The following PROSER2 variants were observed in gnomAD, a reference collection of about 807,000 sequenced individuals.
The protein encoded by PROSER2 is proline and serine rich 2.
In PROSER2, 18 loss-of-function variants were observed where a neutral mutation model predicts 14.6. The ratio of observed to expected loss-of-function variants is 1.23; its 90% confidence interval spans 0.85 to 1.83. The LOEUF is 1.83. Among genes scored for constraint, PROSER2 ranks in the 40% most tolerant of loss-of-function variants. The pLI is 0.00. For synonymous variants in PROSER2, 367 were observed against 286.4 expected, an observed-to-expected ratio of 1.28 and a Z score of -2.84; for missense variants, 823 against 629.8, an observed-to-expected ratio of 1.31 and a Z score of -3.28.
chr10:11,852,128 G>T lies in PROSER2; in HGVS notation c.51G>T (p.Thr17=), dbSNP rs763922806. 7 of 1,613,562 alleles carry T rather than the reference G, an allele frequency of 4.3e-6. No individual in the cohort carries two copies. Among genetic ancestry groups the T allele is most frequent in the Non-Finnish European group, 5.1e-6 (6 of 1,179,858 alleles). The change falls in exon 2 of 4, where the codon ACG becomes ACT. Residue 17 remains threonine, a synonymous_variant. Coordinates refer to ENST00000277570, the MANE Select transcript of PROSER2 (RefSeq NM_153256.4). Reference sequence around the variant, plus strand: ...ACGCATCTGACATGAACTCAGACACGTCCCCCAGCTGCAGGCTCCGAGCCT... The same window carrying T: ...ACGCATCTGACATGAACTCAGACACTTCCCCCAGCTGCAGGCTCCGAGCCT... The part of the protein sequence containing the change: ...KSDASDMNSD[T]SPSCRLRAFS...
In PROSER2 at chr10:11,865,731, C is replaced by A. The variant is rs1014934632; in HGVS notation, c.139-800C>A. 6.6e-6 allele frequency among the ~76,000 whole-genome samples: 1 copy of A among 152,224 alleles called. No individual in the cohort carries two copies. Among genetic ancestry groups the A allele is most frequent in the Non-Finnish European group, 1.5e-5 (1 of 68,042 alleles). ...CCACACTGTTAACACGGCACTCCAC[C>A]GTCAGCTTTGCTCCGTGGCCCCACT... On this transcript the variant is annotated intron_variant, in intron 2 of 3. Transcript: ENST00000277570. This position sits in a 1 kb window ranked among gnomAD's most constrained non-coding sequence, Gnocchi z 4.2.
Position 11,852,233 on chromosome 10 carries a change from TTTCA to T in PROSER2, c.138+20_138+23del. 6.3e-7 allele frequency: 1 copy of T among 1,592,188 alleles called. No homozygotes were observed. The highest frequency in any genetic ancestry group is 8.6e-7 in the Non-Finnish European group (1 of 1,166,746). On this transcript the variant is annotated intron_variant, in intron 2 of 3. Coordinates refer to ENST00000277570, the MANE Select transcript of PROSER2 (RefSeq NM_153256.4). ...TCACTTTGGTGAGTGACAGTTTTTC[TTTCA>T]TGCTTTCCTGTGCCTGGGTCAGTGG... is the stretch of plus-strand genomic sequence containing the variant.
At position 11,823,708 on chromosome 10, in the gene PROSER2, C is replaced by A. The variant is rs931897844; in HGVS notation, c.-82+238C>A. Among the ~76,000 whole-genome samples, 1 of 151,814 alleles carries A rather than the reference C, an allele frequency of 6.6e-6. No individual in the cohort carries two copies. The highest frequency in any genetic ancestry group is 2.4e-5 in the African/African-American group (1 of 41,402). On this transcript the variant is annotated intron_variant, in intron 1 of 3. Coordinates refer to ENST00000277570, the MANE Select transcript of PROSER2 (RefSeq NM_153256.4). The surrounding 1 kb of genome is among the most constrained non-coding windows in gnomAD (Gnocchi z 6.2). ...GCTGCCTCCTCGGGGACCTCGGAGT[C>A]GGGGCGCGGCGGGGAGCGCGCTGGG...
rs928165306 is a variant in PROSER2 at position 11,871,065 on chromosome 10, ACT to A, written c.*662_*663del. ...ATTTTGAGAAAGCAAGTCTCATCAG[ACT>A]CTGAGGTCTGGGACGTGTGCGTGAG... On this transcript the variant is annotated 3_prime_UTR_variant, in exon 4 of 4. Coordinates refer to ENST00000277570, the MANE Select transcript of PROSER2 (RefSeq NM_153256.4). 4.0e-5 allele frequency: 6 copies of A among 151,712 alleles called. No homozygotes were observed. Among genetic ancestry groups the A allele is most frequent in the African/African-American group, 1.5e-4 (6 of 41,250 alleles). 9.4% of individuals were successfully genotyped at this position (151,712 alleles called of 1,614,324 possible). A position where few individuals can be genotyped will look rare whatever the true frequency, so the allele number is the denominator to read the frequency against.
At chr10:11,858,225 T>C (rs1297098605) in intron 2 of PROSER2, among the ~76,000 whole-genome samples, 1 of 152,186 alleles carries the variant, frequency 6.6e-6, no homozygotes, top group African/African-American at 2.4e-5. Flanking sequence ...CCACCACGCC[T>C]GGCCAATTCA....
intron 1 of PROSER2, among the ~76,000 whole-genome samples, chr10:11,839,352 CA>C (rs1833804782): frequency 6.6e-6 from 1 of 152,026 alleles, no homozygotes; most frequent in African/African-American, 2.4e-5. Context: ...AAGCTATAAA[CA>C]AAAAGATTGA....
chr10:11,870,041 C>A lies in PROSER2; in HGVS notation c.943C>A (p.Arg315=). 8.1e-7 allele frequency: 1 copy of A among 1,234,816 alleles called. No individual in the cohort carries two copies. The highest frequency in any genetic ancestry group is 1.0e-6 in the Non-Finnish European group (1 of 989,452). The allele number at this position is 1,234,816 out of a possible 1,614,324, so 76.5% of individuals were successfully genotyped here. A position where few individuals can be genotyped will look rare whatever the true frequency, so the allele number is the denominator to read the frequency against. The change falls in exon 4 of 4, where the codon CGG becomes AGG. Residue 315 remains arginine (R), a synonymous_variant. Coordinates refer to ENST00000277570, the MANE Select transcript of PROSER2 (RefSeq NM_153256.4). ...GAPGGGSSPE[R]VARGRGLPGP... ...CCCAGGGGGCGGCTCCTCCCCGGAGCGGGTGGCGCGTGGCCGGGGCCTGCC... is the reference window on the plus strand; with the variant it reads ...CCCAGGGGGCGGCTCCTCCCCGGAGAGGGTGGCGCGTGGCCGGGGCCTGCC...
Position 11,842,931 on chromosome 10 carries a change from C to CTTTTTTTTTTTTT in PROSER2, c.-81-9051_-81-9039dup, listed in dbSNP as rs558283551. On this transcript the variant is annotated intron_variant, in intron 1 of 3. Transcript: ENST00000277570. ...TTTTCTATACTATTTTGCCATTGTT[C>CTTTTTTTTTTTTT]TTTTTTTTTTTTTTTTTTTTTTTTT... Among the ~76,000 whole-genome samples, 59 of 51,946 alleles carry CTTTTTTTTTTTTT rather than the reference C, an allele frequency of 1.1e-3. 8 individuals are homozygous for CTTTTTTTTTTTTT. Among genetic ancestry groups the CTTTTTTTTTTTTT allele is most frequent in the African/African-American group, 1.7e-3 (25 of 14,740 alleles). 34.1% of individuals were successfully genotyped at this position (51,946 alleles called of 152,430 possible).
Position 11,866,809 on chromosome 10 carries a change from G to A in PROSER2, c.391+26G>A. The A allele has an allele frequency of 1.9e-6, 3 of 1,598,130 alleles. No homozygotes were observed. The highest frequency in any genetic ancestry group is 2.6e-6 in the Non-Finnish European group (3 of 1,174,582). Reference sequence around the variant, plus strand: ...GTGAGGGGGAAGACAGGCCATCCCTGGGATGTGGTTTCCTGGTGTCTGTGA... The same window carrying A: ...GTGAGGGGGAAGACAGGCCATCCCTAGGATGTGGTTTCCTGGTGTCTGTGA... On this transcript the variant is annotated intron_variant, in intron 3 of 3. Coordinates refer to ENST00000277570, the MANE Select transcript of PROSER2 (RefSeq NM_153256.4). This position sits in a 1 kb window ranked among gnomAD's most constrained non-coding sequence, Gnocchi z 6.0.
chr10:11,843,102 G>A (rs1468754868), intron 1 of PROSER2, among the ~76,000 whole-genome samples: 22 of 149,690 alleles, frequency 1.5e-4, no homozygotes, highest in East Asian at 4.0e-4. Flanking sequence ...CACCATGCCC[G>A]GCTAATTTTT....
At chr10:11,859,997 G>A (rs1202156297) in intron 2 of PROSER2, among the ~76,000 whole-genome samples, 1 of 152,170 alleles carries the variant, frequency 6.6e-6, no homozygotes, top group Non-Finnish European at 1.5e-5. Context: ...CCTCTTTTCT[G>A]ACCCTGAGGC....
intron 1 of PROSER2, among the ~76,000 whole-genome samples, chr10:11,833,255 T>A (rs957904228): frequency 2.1e-5 from 3 of 141,394 alleles, no homozygotes; most frequent in African/African-American, 7.7e-5. Context: ...TTTTTTTTTT[T>A]TAGTTCTTTG....
At chr10:11,844,060 C>A (rs763495927) in intron 1 of PROSER2, among the ~76,000 whole-genome samples, 1 of 152,130 alleles carries the variant, frequency 6.6e-6, no homozygotes, top group Non-Finnish European at 1.5e-5. Context: ...GGCATGATCA[C>A]AGCTCACTGC....
Position 11,869,434 on chromosome 10 carries a change from C to A in PROSER2, c.392-56C>A. On this transcript the variant is annotated intron_variant, in intron 3 of 3. Coordinates refer to ENST00000277570, the MANE Select transcript of PROSER2 (RefSeq NM_153256.4). This position sits in a 1 kb window ranked among gnomAD's most constrained non-coding sequence, Gnocchi z 4.4. Reference sequence around the variant, plus strand: ...TTTTCAGTTCAGCGAGAGGGAACTTCATGCATTTACTTTCACGTGGGCCGG... The same window carrying A: ...TTTTCAGTTCAGCGAGAGGGAACTTAATGCATTTACTTTCACGTGGGCCGG... The A allele has an allele frequency of 7.5e-7, 1 of 1,330,606 alleles. No individual in the cohort carries two copies. Among genetic ancestry groups the A allele is most frequent in the Non-Finnish European group, 1.1e-6 (1 of 925,126 alleles). 82.4% of individuals were successfully genotyped at this position (1,330,606 alleles called of 1,614,324 possible). A position where few individuals can be genotyped will look rare whatever the true frequency, so the allele number is the denominator to read the frequency against.
In PROSER2 at chr10:11,869,903, A is replaced by G. The variant is rs1394035635; in HGVS notation, c.805A>G (p.Arg269Gly). The change falls in exon 4 of 4, where the codon AGG becomes GGG. Residue 269 changes from arginine (R) to glycine (G), a missense_variant. Physicochemically the swap from Arg to Gly is moderately radical, Grantham distance 125 (BLOSUM62 -2). Transcript: ENST00000277570. The surrounding 1 kb of genome is among the most constrained non-coding windows in gnomAD (Gnocchi z 4.4). ...VTNGAAREPR[R>G]TLSRAAVSVQ... ...CAACGGCGCGGCCCGGGAGCCCCGC[A>G]GGACCCTGTCCAGGGCGGCCGTCAG... The G allele has an allele frequency of 1.3e-6, 2 of 1,586,084 alleles. No homozygotes were observed. Among genetic ancestry groups the G allele is most frequent in the South Asian group, 1.1e-5 (1 of 87,538 alleles).
At chr10:11,844,573 T>C (rs1204304579) in intron 1 of PROSER2, among the ~76,000 whole-genome samples, 1 of 152,214 alleles carries the variant, frequency 6.6e-6, no homozygotes, top group Non-Finnish European at 1.5e-5. Flanking sequence ...ATTTTTTTGC[T>C]CAGTAATATA....
intron 1 of PROSER2, among the ~76,000 whole-genome samples, chr10:11,829,406 G>A (rs1051835869): frequency 1.3e-5 from 2 of 151,308 alleles, no homozygotes; most frequent in Non-Finnish European, 2.9e-5. Flanking sequence ...GAAACATAGG[G>A]AGACCCCCAT....
intron 2 of PROSER2, among the ~76,000 whole-genome samples, chr10:11,859,712 A>AT (rs1014961796): frequency 1.1e-4 from 16 of 152,080 alleles, no homozygotes; most frequent in Admixed American, 2.6e-4. Flanking sequence ...GTGCTTTTGG[A>AT]TTTTTTTACT....
In PROSER2 at chr10:11,870,145, C is replaced by T. The variant is rs17851505; in HGVS notation, c.1047C>T (p.His349=). 117,884 of 1,424,386 alleles carry T rather than the reference C, an allele frequency of 0.083. 5,284 individuals are homozygous for T. Among genetic ancestry groups the T allele is most frequent in the South Asian group, 0.12 (8,642 of 70,542 alleles). 88.2% of individuals were successfully genotyped at this position (1,424,386 alleles called of 1,614,324 possible). ...PALANGFPSA[H]EALKSAPSSF... ...TGGCCAACGGCTTCCCAAGTGCGCA[C>T]GAGGCCCTGAAGAGCGCACCCAGCT... Residue 349 remains histidine, a synonymous_variant, in exon 4 of 4, where the codon CAC becomes CAT. Coordinates refer to ENST00000277570, the MANE Select transcript of PROSER2 (RefSeq NM_153256.4).
Sources: gnomAD v4.1 joint callset for allele counts (sites outside exome capture counted in the v4.1 genomes callset) on GRCh38, gnomAD v4.1.1 for gene constraint, Gnocchi (gnomAD v3.1) non-coding constraint, MANE v1.5 for transcripts, NCBI Gene and HGNC (gene_info 2026-07-23, HGNC 2026-07-21) for gene names.